PCDHA5: variants seen among roughly 807,000 people sequenced by gnomAD.
The protein encoded by PCDHA5 is protocadherin alpha-5.
PCDHA5 carries 43 observed loss-of-function variants against 61.6 expected under a neutral mutation model. That is an observed-to-expected ratio of 0.70 (90% confidence interval 0.55 to 0.90). The LOEUF (loss-of-function observed/expected upper bound fraction) is 0.90, where lower values mean the gene tolerates loss of function less well. Among genes scored for constraint, PCDHA5 ranks in the 40% least tolerant of loss-of-function variants. PCDHA5 has a pLI of 0.00. For synonymous variants in PCDHA5, 627 were observed against 543.9 expected (o/e 1.15, Z -2.13); for missense variants, 1,298 against 1,222.7 (o/e 1.06, Z -0.92).
intron 1 of PCDHA5, among the ~76,000 whole-genome samples, chr5:140,971,388 C>A (rs1554233283): frequency 6.6e-6 from 1 of 152,132 alleles, no homozygotes; most frequent in Non-Finnish European, 1.5e-5. Flanking sequence ...TTAATAAAGG[C>A]AAATTTCTGC....
chr5:140,882,545 G>A (rs1174281421), intron 1 of PCDHA5: 4 of 1,614,238 alleles, frequency 2.5e-6, no homozygotes. Context: ...GATCGACCGC[G>A]AGGAGCTGTG....
intron 1 of PCDHA5, chr5:140,843,436 C>A (rs2150359840): frequency 1.9e-6 from 3 of 1,596,080 alleles, no homozygotes; most frequent in East Asian, 2.2e-5. Flanking sequence ...TCGCCATCTG[C>A]GCGGTATCCA....
intron 1 of PCDHA5, among the ~76,000 whole-genome samples, chr5:140,891,754 T>C (rs1221942340): frequency 6.6e-6 from 1 of 152,174 alleles, no homozygotes; most frequent in Non-Finnish European, 1.5e-5. Flanking sequence ...ACAACAGTGT[T>C]GGGAGGTGGG....
chr5:140,907,517 G>A (rs1174112923), intron 1 of PCDHA5, among the ~76,000 whole-genome samples: 3 of 152,192 alleles, frequency 2.0e-5, no homozygotes, highest in Non-Finnish European at 4.4e-5. Flanking sequence ...TTCCAGTGAG[G>A]ACAAATCGCT....
intron 3 of PCDHA5, among the ~76,000 whole-genome samples, chr5:140,989,450 T>C (rs1299416259): frequency 6.6e-6 from 1 of 152,208 alleles, no homozygotes; most frequent in Admixed American, 6.5e-5. Context: ...TTGTTTAGAA[T>C]TGTTAGGCTT....
chr5:140,877,488 C>A lies in PCDHA5; in HGVS notation c.2352+53361C>A, dbSNP rs781785108. On this transcript the variant is annotated intron_variant, in intron 1 of 3. Coordinates refer to ENST00000529859, the MANE Select transcript of PCDHA5 (RefSeq NM_018908.3). ...CGGTGCTGGTGTCGCTGGTGGAGAACGGCCAGGCCCCAAAGACGTCGTCGC... is the reference window on the plus strand; with the variant it reads ...CGGTGCTGGTGTCGCTGGTGGAGAAAGGCCAGGCCCCAAAGACGTCGTCGC... The A allele has an allele frequency of 2.5e-6, 4 of 1,613,736 alleles. No individual in the cohort carries two copies. The African/African-American group carries it at 5.3e-5, about 22-fold the overall frequency.
At chr5:140,863,386 T>A in intron 1 of PCDHA5, 1 of 1,032,574 alleles carries the variant, frequency 9.7e-7, no homozygotes, top group Non-Finnish European at 1.4e-6. Context: ...CGAGAGCTCG[T>A]GCATGCCGGG....
chr5:140,918,494 G>A (rs1252984580), intron 1 of PCDHA5, among the ~76,000 whole-genome samples: 2 of 152,098 alleles, frequency 1.3e-5, no homozygotes, highest in Non-Finnish European at 2.9e-5. Context: ...GCTTTGGATG[G>A]TACCAATCCT....
intron 3 of PCDHA5, among the ~76,000 whole-genome samples, chr5:140,995,413 C>T (rs1554254672): frequency 6.6e-6 from 1 of 152,176 alleles, no homozygotes; most frequent in East Asian, 1.9e-4. Flanking sequence ...GATTTCATCA[C>T]ATTACTCAGA....
At chr5:140,841,430 G>C in intron 1 of PCDHA5, 5 of 1,612,964 alleles carry the variant, frequency 3.1e-6, no homozygotes, top group Non-Finnish European at 4.2e-6. Flanking sequence ...CTCCGTCCCC[G>C]AGGAGGCCAA....
intron 1 of PCDHA5, among the ~76,000 whole-genome samples, chr5:140,917,163 G>A (rs948639951): frequency 6.6e-6 from 1 of 152,182 alleles, no homozygotes; most frequent in Admixed American, 6.5e-5. Flanking sequence ...ATATGGGAGG[G>A]GTGATGGTGG....
chr5:140,884,589 C>T, intron 1 of PCDHA5: 1 of 1,614,146 alleles, frequency 6.2e-7, no homozygotes, highest in Non-Finnish European at 8.5e-7. Flanking sequence ...GCCTTCAGTC[C>T]CAGCCTTCCT....
chr5:140,823,759 G>GCCACAT lies in PCDHA5; in HGVS notation c.1989_1990insTCCACA (p.Thr663_Val664insSerThr). 1 of 1,613,910 alleles carries GCCACAT rather than the reference G, an allele frequency of 6.2e-7. No homozygotes were observed. The highest frequency in any genetic ancestry group is 8.5e-7 in the Non-Finnish European group (1 of 1,179,952). ...TGGAGAGCCCCCGCTGACAGCCACA[G>GCCACAT]CCACAGTGCTGGTGTCGCTGGTGGA... On this transcript the variant is annotated inframe_insertion, in exon 1 of 4. Coordinates refer to ENST00000529859, the MANE Select transcript of PCDHA5 (RefSeq NM_018908.3).
intron 1 of PCDHA5, chr5:140,882,864 C>T (rs2059340057): frequency 6.2e-7 from 1 of 1,614,200 alleles, no homozygotes; most frequent in East Asian, 2.2e-5. Flanking sequence ...CTGAGGAAAA[C>T]ACTGGACAGA....
chr5:140,929,484 T>C, intron 1 of PCDHA5: 1 of 1,156,262 alleles, frequency 8.6e-7, no homozygotes, highest in Non-Finnish European at 1.2e-6. Context: ...AGTATAGAAG[T>C]ATTAGAAGAT....
Position 140,843,621 on chromosome 5 carries a change from C to T in PCDHA5, c.2352+19494C>T, listed in dbSNP as rs2150363692. On this transcript the variant is annotated intron_variant, in intron 1 of 3. Transcript: ENST00000529859. ...TGCTCTGGTGAGGGGCCACCGAAGA[C>T]GGACCTCATGGCCTTCAGCCCCTGC... The T allele has an allele frequency of 1.0e-5, 16 of 1,596,050 alleles. 1 individual carries two copies. The South Asian group carries it at 1.8e-4, about 18-fold the overall frequency.
intron 1 of PCDHA5, among the ~76,000 whole-genome samples, chr5:140,934,025 A>C (rs190533956): frequency 1.2e-3 from 183 of 152,100 alleles, no homozygotes; most frequent in Non-Finnish European, 2.2e-3. Flanking sequence ...ACTTGGAAGT[A>C]GTTTATTAAT....
intron 1 of PCDHA5, chr5:140,968,123 C>T (rs782499744): frequency 1.1e-5 from 17 of 1,614,058 alleles, no homozygotes; most frequent in Admixed American, 3.3e-5. Context: ...CACATCCCTG[C>T]GTACACTGAA....
Position 140,877,166 on chromosome 5 carries a change from TGCTGGCGACTCCG to T in PCDHA5, c.2352+53046_2352+53058del, listed in dbSNP as rs2056906844. The T allele has an allele frequency of 1.9e-6, 3 of 1,613,836 alleles. No individual in the cohort carries two copies. In the East Asian group the frequency reaches 6.7e-5, roughly 36 times the overall value. On this transcript the variant is annotated intron_variant, in intron 1 of 3. Coordinates refer to ENST00000529859, the MANE Select transcript of PCDHA5 (RefSeq NM_018908.3). The stretch of plus-strand genomic sequence containing the variant: ...GACGAGAACGACAACGCGCCGGCAC[TGCTGGCGACTCCG>T]GCTGGCAGCGCAGGAGGCGCAGTTA...
Sources: allele counts gnomAD v4.1 joint callset (sites outside exome capture counted in the v4.1 genomes callset), GRCh38; gene constraint gnomAD v4.1.1; transcripts MANE v1.5; gene names NCBI Gene and HGNC (gene_info 2026-07-23, HGNC 2026-07-21).